The following SCLT1 variants were observed in gnomAD, a reference collection of about 807,000 sequenced individuals.
The protein encoded by SCLT1 is sodium channel-associated protein 1.
SCLT1 carries 78 observed loss-of-function variants against 112.8 expected under a neutral mutation model. The observed-to-expected ratio is 0.69, with a 90% CI of 0.58 to 0.83. The LOEUF (loss-of-function observed/expected upper bound fraction) is 0.83, where lower values mean the gene tolerates loss of function less well. SCLT1 is among the 40% of genes least tolerant of loss of function. The probability of loss-of-function intolerance (pLI) is 0.00; values close to 1 mark genes in which losing one functional copy is unlikely to be tolerated. For missense variants in SCLT1, 747 were observed against 770.4 expected, an observed-to-expected ratio of 0.97 and a Z score of 0.36; for synonymous variants, 257 against 254.7, an observed-to-expected ratio of 1.01 and a Z score of -0.09.
At chr4:128,886,007 C>T (rs1315492506) in intron 20 of SCLT1, among the ~76,000 whole-genome samples, 1 of 151,798 alleles carries the variant, frequency 6.6e-6, no homozygotes, top group African/African-American at 2.4e-5. Context: ...GGGCATTAGC[C>T]TTTTGTCATA....
chr4:128,969,500 AG>A (rs1207719585), intron 10 of SCLT1, among the ~76,000 whole-genome samples: 4 of 152,060 alleles, frequency 2.6e-5, no homozygotes, highest in Non-Finnish European at 5.9e-5. Flanking sequence ...TGAACCCGGG[AG>A]GCAGAGCTGA....
At chr4:129,064,002 C>T (rs1477819367) in intron 2 of SCLT1, among the ~76,000 whole-genome samples, 1 of 152,168 alleles carries the variant, frequency 6.6e-6, no homozygotes, top group Non-Finnish European at 1.5e-5. Context: ...TTACATTCTT[C>T]AATGTGTCTA....
chr4:128,967,367 T>C (rs1468000609), intron 10 of SCLT1, among the ~76,000 whole-genome samples: 1 of 152,238 alleles, frequency 6.6e-6, no homozygotes, highest in Non-Finnish European at 1.5e-5. Flanking sequence ...CTTCGTTATA[T>C]ACCCAGTAAT....
chr4:128,944,155 C>T (rs537657782), intron 16 of SCLT1, among the ~76,000 whole-genome samples: 1 of 152,238 alleles, frequency 6.6e-6, no homozygotes, highest in African/African-American at 2.4e-5. Context: ...CAGCAACTCC[C>T]ACATTCTTGT....
chr4:128,961,098 A>AT (rs1250107949), intron 11 of SCLT1, among the ~76,000 whole-genome samples: 3 of 151,104 alleles, frequency 2.0e-5, no homozygotes, highest in Admixed American at 1.3e-4. Context: ...AAATTTGACT[A>AT]TTTTTTTTCA....
chr4:128,988,550 G>C (rs967402405), intron 9 of SCLT1, among the ~76,000 whole-genome samples: 57 of 151,656 alleles, frequency 3.8e-4, no homozygotes, highest in Non-Finnish European at 4.4e-5. Context: ...TTACACAAAG[G>C]AAGACAGAAA....
intron 5 of SCLT1, among the ~76,000 whole-genome samples, chr4:129,019,659 A>G (rs567908019): frequency 1.3e-5 from 2 of 151,406 alleles, no homozygotes; most frequent in African/African-American, 4.9e-5. Context: ...ATTTTTTTAT[A>G]TAAATGAAAA....
At chr4:128,884,666 G>T (rs1215775902) in intron 20 of SCLT1, 127 bp from the exon 21 acceptor site, 1 of 643,564 alleles carries the variant, frequency 1.6e-6, no homozygotes, top group Non-Finnish European at 2.7e-6. Flanking sequence ...TTTTGTAAAT[G>T]ATCTTTTTCT....
chr4:128,920,778 C>T (rs975938103), intron 18 of SCLT1, among the ~76,000 whole-genome samples: 2 of 152,258 alleles, frequency 1.3e-5, no homozygotes, highest in Admixed American at 6.5e-5. Flanking sequence ...ACTCTCACTA[C>T]CCCTATTCAA....
intron 11 of SCLT1, among the ~76,000 whole-genome samples, chr4:128,963,781 C>T (rs1049127853): frequency 6.6e-6 from 1 of 152,078 alleles, no homozygotes; most frequent in African/African-American, 2.4e-5. Context: ...TTTCCTCTAC[C>T]TATATTAGTT....
At chr4:129,072,041 C>A (rs1751058707) in intron 2 of SCLT1, among the ~76,000 whole-genome samples, 1 of 152,044 alleles carries the variant, frequency 6.6e-6, no homozygotes, top group South Asian at 2.1e-4. Context: ...CATTTGTTTG[C>A]CTGAAAATGA....
intron 18 of SCLT1, among the ~76,000 whole-genome samples, chr4:128,925,239 TA>T (rs1362283629): frequency 2.0e-5 from 3 of 152,164 alleles, no homozygotes; most frequent in African/African-American, 7.2e-5. Flanking sequence ...TGTGAGAAAA[TA>T]AATGTTCGCT....
At chr4:129,019,147 T>C (rs886169294) in intron 5 of SCLT1, among the ~76,000 whole-genome samples, 1 of 152,168 alleles carries the variant, frequency 6.6e-6, no homozygotes, top group African/African-American at 2.4e-5. Flanking sequence ...TTTAATTTTA[T>C]ATATTAAAAA....
At chr4:129,066,943 G>C (rs1366736439) in intron 2 of SCLT1, among the ~76,000 whole-genome samples, 1 of 152,038 alleles carries the variant, frequency 6.6e-6, no homozygotes, top group African/African-American at 2.4e-5. Context: ...GAGGAAATAA[G>C]TGCATACAGA....
At chr4:129,085,666 T>C (rs189994750) in intron 1 of SCLT1, among the ~76,000 whole-genome samples, 2 of 152,290 alleles carry the variant, frequency 1.3e-5, no homozygotes, top group African/African-American at 2.4e-5. Flanking sequence ...ATGTATACCA[T>C]GGAATACTAT....
At chr4:128,980,281 G>C (rs1035441378) in intron 9 of SCLT1, among the ~76,000 whole-genome samples, 17 of 152,066 alleles carry the variant, frequency 1.1e-4, no homozygotes, top group African/African-American at 4.1e-4. Context: ...AAACATCTGA[G>C]AAAAATCTGT....
rs191366719 is a variant in SCLT1, at chr4:129,023,085, C to T, written c.290+15956G>A. ...AAGGGGAAATAAAATCATTTAAAGA[C>T]AAGCAAATGCTGAGGTATTTTGTCA... On this transcript the variant is annotated intron_variant, in intron 5 of 20. Transcript: ENST00000281142. 3.9e-5 allele frequency among the ~76,000 whole-genome samples: 6 copies of T among 152,274 alleles called. No individual in the cohort carries two copies. In the East Asian group the frequency reaches 1.2e-3, roughly 29 times the overall value.
chr4:128,921,845 C>T (rs1735908303), intron 18 of SCLT1, among the ~76,000 whole-genome samples: 1 of 152,068 alleles, frequency 6.6e-6, no homozygotes, highest in Non-Finnish European at 1.5e-5. Flanking sequence ...AAAATATCAA[C>T]AGAGTAAATA....
At position 128,948,570 on chromosome 4, in the gene SCLT1, C is replaced by T. The variant is rs200227115; in HGVS notation, c.1219G>A (p.Glu407Lys). The change falls in exon 15 of 21, where the codon GAG (glutamate) becomes AAG (lysine). Residue 407 changes from glutamate to lysine, a missense_variant and splice_region_variant. Coordinates refer to ENST00000281142, the MANE Select transcript of SCLT1 (RefSeq NM_144643.4). The part of the protein sequence containing the change: ...LTEELSALQM[E>K]CAEKQGQIER... Reference sequence around the variant, plus strand: ...ATTTGGCCTTGTTTTTCAGCACACTCCTATAAATTCAAGTCATATTGTAAA... The same window carrying T: ...ATTTGGCCTTGTTTTTCAGCACACTTCTATAAATTCAAGTCATATTGTAAA... 4.9e-5 allele frequency: 78 copies of T among 1,595,816 alleles called. No individual in the cohort carries two copies. The highest frequency in any genetic ancestry group is 6.4e-5 in the Non-Finnish European group (75 of 1,165,854).
Sources: allele counts gnomAD v4.1 joint callset (sites outside exome capture counted in the v4.1 genomes callset), GRCh38; gene constraint gnomAD v4.1.1; transcripts MANE v1.5; gene names NCBI Gene and HGNC (gene_info 2026-07-23, HGNC 2026-07-21).